PCDH10: variants seen among roughly 807,000 people sequenced by gnomAD.
The protein encoded by PCDH10 is protocadherin-10.
In PCDH10, 15 loss-of-function variants were observed where a neutral mutation model predicts 74.4. The observed-to-expected ratio is 0.20, with a 90% CI of 0.13 to 0.31. PCDH10 has a LOEUF of 0.31. Ranked by LOEUF, PCDH10 falls within the 10% of genes least tolerant of loss-of-function variation. The probability of loss-of-function intolerance (pLI) is 1.00; values close to 1 mark genes in which losing one functional copy is unlikely to be tolerated. For synonymous variants in PCDH10, 619 were observed against 589.8 expected (o/e 1.05, Z -0.72); for missense variants, 1,260 against 1,390.2 (o/e 0.91, Z 1.49).
At chr4:133,180,067 T>C (rs1373288243) in intron 4 of PCDH10, among the ~76,000 whole-genome samples, 1 of 152,106 alleles carries the variant, frequency 6.6e-6, no homozygotes, top group Non-Finnish European at 1.5e-5. Flanking sequence ...TCTGTTTTTA[T>C]TCTGGCCTAA....
chr4:133,191,192 AT>A lies in PCDH10; in HGVS notation c.*1036del, dbSNP rs1336554843. ...TTAGAAAAAAACTGGGTGTCTGTAC[AT>A]TTTGTGGTGTAAAATATGTAATTGA... On this transcript the variant is annotated 3_prime_UTR_variant, in exon 5 of 5. Transcript: ENST00000264360. 1 of 152,376 alleles carries A rather than the reference AT, an allele frequency of 6.6e-6. No homozygotes were observed. Among genetic ancestry groups the A allele is most frequent in the Non-Finnish European group, 1.5e-5 (1 of 67,902 alleles). 9.4% of individuals were successfully genotyped at this position (152,376 alleles called of 1,614,324 possible).
intron 4 of PCDH10, among the ~76,000 whole-genome samples, chr4:133,188,675 T>TTG (rs1727592177): frequency 7.1e-6 from 1 of 140,194 alleles, no homozygotes; most frequent in African/African-American, 2.7e-5. Context: ...GTTTTTTTTT[T>TTG]TTTTTTTTTT....
Position 133,190,284 on chromosome 4 carries a change from C to T in PCDH10, c.*124C>T, listed in dbSNP as rs917612406. The T allele has an allele frequency of 5.8e-5, 49 of 845,502 alleles. No individual in the cohort carries two copies. The Admixed American group carries it at 6.2e-4, about 11-fold the overall frequency. 52.4% of individuals were successfully genotyped at this position (845,502 alleles called of 1,614,324 possible). A position where few individuals can be genotyped will look rare whatever the true frequency, so the allele number is the denominator to read the frequency against. On this transcript the variant is annotated 3_prime_UTR_variant, in exon 5 of 5. Transcript: ENST00000264360. ...TCATGTGTAACTGAGTATTAGATTT[C>T]GGATGGAGTCATCATGGCCAATTAT...
intron 2 of PCDH10, among the ~76,000 whole-genome samples, chr4:133,204,949 G>A (rs1727972938): frequency 6.6e-6 from 1 of 152,188 alleles, no homozygotes; most frequent in Admixed American, 6.5e-5. Flanking sequence ...GGGACTGTGG[G>A]AGAAAAGCTT....
intron 1 of PCDH10, chr4:133,154,034 C>T (rs555376209): frequency 6.1e-4 from 237 of 390,174 alleles, no homozygotes; most frequent in African/African-American, 4.4e-3. Flanking sequence ...GCCATGAGGT[C>T]ATTTGCATTT....
intron 4 of PCDH10, among the ~76,000 whole-genome samples, chr4:133,178,624 G>A (rs113926158): frequency 5.3e-5 from 8 of 150,918 alleles, no homozygotes; most frequent in African/African-American, 1.7e-4. Context: ...GAAATGTGAC[G>A]GGTTATTTTT....
In PCDH10 at chr4:133,150,135, T is replaced by A; in HGVS notation, c.-6T>A. The A allele has an allele frequency of 6.6e-7, 1 of 1,505,854 alleles. No individual in the cohort carries two copies. The highest frequency in any genetic ancestry group is 8.9e-7 in the Non-Finnish European group (1 of 1,124,684). 93.3% of individuals were successfully genotyped at this position (1,505,854 alleles called of 1,614,324 possible). On this transcript the variant is annotated 5_prime_UTR_variant, in exon 1 of 5. In the 5' UTR this introduces an upstream ATG that the reference lacks. Coordinates refer to ENST00000264360, the MANE Select transcript of PCDH10 (RefSeq NM_032961.3). ...CTGCGGGAAGCTACTTCCTTTCCTT[T>A]TGGAGATGATTGTGCTATTATTGTT...
At chr4:133,171,957 A>T (rs192268816) in intron 4 of PCDH10, among the ~76,000 whole-genome samples, 2 of 152,172 alleles carry the variant, frequency 1.3e-5, no homozygotes, top group African/African-American at 4.8e-5. Flanking sequence ...TTTTTATTAA[A>T]AAAAAGTGGT....
chr4:133,185,394 GA>G (rs146203465), intron 4 of PCDH10, among the ~76,000 whole-genome samples: 6 of 150,218 alleles, frequency 4.0e-5, no homozygotes, highest in Non-Finnish European at 5.9e-5. Context: ...AGGTTAAACT[GA>G]AAAAAAAATT....
intron 4 of PCDH10, among the ~76,000 whole-genome samples, chr4:133,166,752 G>A (rs1039201662): frequency 6.6e-6 from 1 of 151,430 alleles, no homozygotes; most frequent in African/African-American, 2.4e-5. Context: ...TAATAAAGGC[G>A]TAAGTATGTG....
intron 3 of PCDH10, among the ~76,000 whole-genome samples, chr4:133,162,493 T>G (rs1726989280): frequency 6.6e-6 from 1 of 152,198 alleles, no homozygotes; most frequent in Non-Finnish European, 1.5e-5. Flanking sequence ...TTTCATAATC[T>G]AAATATCATT....
intron 4 of PCDH10, among the ~76,000 whole-genome samples, chr4:133,180,594 A>G (rs181043867): frequency 1.3e-5 from 2 of 152,154 alleles, no homozygotes; most frequent in East Asian, 3.9e-4. Context: ...TAAAGCATAT[A>G]TGTGAGTATA....
chr4:133,203,039 T>TC (rs1214666839), intron 2 of PCDH10, among the ~76,000 whole-genome samples: 1 of 152,104 alleles, frequency 6.6e-6, no homozygotes, highest in East Asian at 1.9e-4. Context: ...GGAATGCTGA[T>TC]TTCATGACCC....
At position 133,190,259 on chromosome 4, in the gene PCDH10, T is replaced by C; in HGVS notation, c.*99T>C. ...TTCATTATCTTGGCCATCCAGTTAG[T>C]CATGTGTAACTGAGTATTAGATTTC... is the stretch of plus-strand genomic sequence containing the variant. On this transcript the variant is annotated 3_prime_UTR_variant, in exon 5 of 5. Coordinates refer to ENST00000264360, the MANE Select transcript of PCDH10 (RefSeq NM_032961.3). The C allele has an allele frequency of 4.7e-6, 5 of 1,055,982 alleles. No homozygotes were observed. Among genetic ancestry groups the C allele is most frequent in the Non-Finnish European group, 7.4e-6 (5 of 673,332 alleles). The allele number at this position is 1,055,982 out of a possible 1,614,324, so 65.4% of individuals were successfully genotyped here.
At chr4:133,162,885 G>T in intron 3 of PCDH10, 92 bp from the exon 4 acceptor site, 1 of 1,065,050 alleles carries the variant, frequency 9.4e-7, no homozygotes, top group Non-Finnish European at 1.4e-6. Context: ...AACTTCACTT[G>T]TCACCCTTTA....
At chr4:133,166,428 T>C (rs554771177) in intron 4 of PCDH10, among the ~76,000 whole-genome samples, 2 of 151,616 alleles carry the variant, frequency 1.3e-5, no homozygotes, top group Admixed American at 6.6e-5. Context: ...ATCATGAACA[T>C]TTTAAGGATT....
intron 4 of PCDH10, among the ~76,000 whole-genome samples, chr4:133,184,681 T>C (rs1727495165): frequency 6.8e-6 from 1 of 146,186 alleles, no homozygotes; most frequent in South Asian, 2.1e-4. Flanking sequence ...TATATTTATT[T>C]ACATATATTT....
chr4:133,180,404 T>C (rs1382156457), intron 4 of PCDH10, among the ~76,000 whole-genome samples: 2 of 152,032 alleles, frequency 1.3e-5, no homozygotes, highest in Non-Finnish European at 2.9e-5. Flanking sequence ...TTTGTATGTA[T>C]ATGGCATTCT....
intron 4 of PCDH10, among the ~76,000 whole-genome samples, chr4:133,176,065 A>T (rs936342764): frequency 1.3e-5 from 2 of 152,142 alleles, no homozygotes; most frequent in South Asian, 2.1e-4. Context: ...TTCCCTAAGC[A>T]TCACTAATTT....
Sources: allele counts gnomAD v4.1 joint callset (sites outside exome capture counted in the v4.1 genomes callset), GRCh38; gene constraint gnomAD v4.1.1; transcripts MANE v1.5; gene names NCBI Gene and HGNC (gene_info 2026-07-23, HGNC 2026-07-21).